The following SCAND3 variants were observed in gnomAD, a reference collection of about 807,000 sequenced individuals.
The protein encoded by SCAND3 is SCAN domain-containing protein 3.
the SCAND3 span, chr6:28,586,220 G>C: frequency 8.0e-7 from 1 of 1,243,764 alleles, no homozygotes; most frequent in Non-Finnish European, 1.1e-6. This position sits in a 1 kb window ranked among gnomAD's most constrained non-coding sequence, Gnocchi z 4.4. Context: ...AACCACCAGC[G>C]CGAAATTACT....
the SCAND3 span, among the ~76,000 whole-genome samples, chr6:28,606,943 G>T: frequency 2.0e-5 from 3 of 152,138 alleles, no homozygotes; most frequent in African/African-American, 7.2e-5. Flanking sequence ...AATGAAGCTG[G>T]AAAAAGCGAG....
chr6:28,575,128 T>A, the SCAND3 span: 2 of 1,614,152 alleles, frequency 1.2e-6, no homozygotes, highest in South Asian at 2.2e-5. The surrounding 1 kb of genome is among the most constrained non-coding windows in gnomAD (Gnocchi z 4.2). Context: ...CAGTTTAGCT[T>A]CAGAGCTAAA....
the SCAND3 span, chr6:28,585,258 C>T: frequency 1.3e-5 from 2 of 152,192 alleles, no homozygotes; most frequent in Non-Finnish European, 2.9e-5. Context: ...GAAATTTTAT[C>T]ACAAGCACAC....
the SCAND3 span, chr6:28,589,113 ATTG>A: frequency 4.6e-5 from 7 of 152,154 alleles, no homozygotes; most frequent in Admixed American, 1.3e-4. Context: ...GACTTTCTAA[ATTG>A]TTAAGTTTCA....
chr6:28,599,771 A>G, the SCAND3 span, among the ~76,000 whole-genome samples: 1 of 152,222 alleles, frequency 6.6e-6, no homozygotes, highest in East Asian at 1.9e-4. Context: ...AAATAGACTA[A>G]TACAGTTGTC....
chr6:28,586,332 T>G, the SCAND3 span: 1 of 1,612,322 alleles, frequency 6.2e-7, no homozygotes, highest in Non-Finnish European at 8.5e-7. The surrounding 1 kb of genome is among the most constrained non-coding windows in gnomAD (Gnocchi z 4.4). Context: ...CCTCTCCAAA[T>G]CTTCCAGCAA....
At chr6:28,573,559 T>C in the SCAND3 span, 2 of 1,613,356 alleles carry the variant, frequency 1.2e-6, no homozygotes, top group Non-Finnish European at 1.7e-6. Context: ...TAAATGTCGC[T>C]TAAGTTTTGA....
the SCAND3 span, among the ~76,000 whole-genome samples, chr6:28,576,741 T>C: frequency 2.0e-5 from 3 of 151,952 alleles, no homozygotes; most frequent in African/African-American, 4.8e-5. Flanking sequence ...CAAATTAACA[T>C]TTACTTGTTT....
At chr6:28,586,068 G>C in the SCAND3 span, among the ~76,000 whole-genome samples, 1 of 151,878 alleles carries the variant, frequency 6.6e-6, no homozygotes, top group East Asian at 1.9e-4. The surrounding 1 kb of genome is among the most constrained non-coding windows in gnomAD (Gnocchi z 4.4). Flanking sequence ...TTTTCTACTG[G>C]TAAAAAATAG....
the SCAND3 span, among the ~76,000 whole-genome samples, chr6:28,604,615 CAAA>C: frequency 1.2e-3 from 152 of 124,444 alleles, no homozygotes; most frequent in Admixed American, 3.0e-3. Flanking sequence ...GACTCTGTCT[CAAA>C]AAAAAAAAAA....
chr6:28,574,967 C>T, the SCAND3 span: 1 of 1,613,622 alleles, frequency 6.2e-7, no homozygotes, highest in Non-Finnish European at 8.5e-7. Context: ...GAAAGATTCT[C>T]TTCAATATCA....
At chr6:28,581,552 G>A in the SCAND3 span, among the ~76,000 whole-genome samples, 1 of 152,116 alleles carries the variant, frequency 6.6e-6, no homozygotes, top group Non-Finnish European at 1.5e-5. Context: ...GTTTTTCAGG[G>A]ACCCTAGCTG....
At chr6:28,601,361 C>T in the SCAND3 span, among the ~76,000 whole-genome samples, 233 of 152,250 alleles carry the variant, frequency 1.5e-3, no homozygotes, top group African/African-American at 3.5e-3. Context: ...TTTTGTTGAA[C>T]CTGGTTGATA....
At chr6:28,581,830 G>T in the SCAND3 span, among the ~76,000 whole-genome samples, 1 of 152,220 alleles carries the variant, frequency 6.6e-6, no homozygotes, top group Non-Finnish European at 1.5e-5. Context: ...AATTTAATTA[G>T]ATATATTGCC....
At chr6:28,612,442 A>C in the SCAND3 span, among the ~76,000 whole-genome samples, 1 of 152,150 alleles carries the variant, frequency 6.6e-6, no homozygotes, top group East Asian at 1.9e-4. Flanking sequence ...CCTCCTTAAC[A>C]TCTGGAAAGA....
chr6:28,597,502 GGC>G, the SCAND3 span, among the ~76,000 whole-genome samples: 124 of 151,940 alleles, frequency 8.2e-4, 2 homozygotes, highest in Admixed American at 7.9e-4. Flanking sequence ...CTCTTTTTCT[GGC>G]TTAATCCTGA....
chr6:28,583,810 C>T, the SCAND3 span, among the ~76,000 whole-genome samples: 148 of 152,310 alleles, frequency 9.7e-4, no homozygotes, highest in Admixed American at 2.4e-3. Flanking sequence ...GTTCTTCTTC[C>T]TCCACACCTT....
the SCAND3 span, chr6:28,570,574 C>T: frequency 6.6e-6 from 1 of 152,178 alleles, no homozygotes; most frequent in Non-Finnish European, 1.5e-5. Flanking sequence ...AACCTTTCCT[C>T]TACTTTCAAA....
the SCAND3 span, chr6:28,575,428 G>C: frequency 6.8e-6 from 11 of 1,613,854 alleles, no homozygotes; most frequent in African/African-American, 1.5e-4. The surrounding 1 kb of genome is among the most constrained non-coding windows in gnomAD (Gnocchi z 4.2). Flanking sequence ...TCCAATAATT[G>C]TAAATATATC....
Sources: gnomAD v4.1 joint callset for allele counts (sites outside exome capture counted in the v4.1 genomes callset) on GRCh38, gnomAD v4.1.1 for gene constraint, Gnocchi (gnomAD v3.1) non-coding constraint, MANE v1.5 for transcripts, NCBI Gene and HGNC (gene_info 2026-07-23, HGNC 2026-07-21) for gene names.